Variants in PTPRD observed in about 807,000 individuals in gnomAD.
PTPRD encodes receptor-type tyrosine-protein phosphatase delta.
In PTPRD, 34 loss-of-function variants were observed where a neutral mutation model predicts 214.5. That is an observed-to-expected ratio of 0.16 (90% confidence interval 0.12 to 0.21). PTPRD has a LOEUF of 0.21. Among genes scored for constraint, PTPRD ranks in the 10% least tolerant of loss-of-function variants. The probability of loss-of-function intolerance (pLI) is 1.00; values close to 1 mark genes in which losing one functional copy is unlikely to be tolerated. For synonymous variants in PTPRD, 1,128 were observed against 845.7 expected (o/e 1.33, Z -5.79); for missense variants, 2,545 against 2,398.7 (o/e 1.06, Z -1.27).
At chr9:9,382,694 A>C (rs969016971) in intron 9 of PTPRD, among the ~76,000 whole-genome samples, 3 of 152,108 alleles carry the variant, frequency 2.0e-5, no homozygotes, top group African/African-American at 7.2e-5. Context: ...ACTCTTGCAC[A>C]TTGTAGGTGG....
intron 39 of PTPRD, among the ~76,000 whole-genome samples, chr9:8,352,838 C>T (rs900872091): frequency 6.6e-6 from 1 of 152,152 alleles, no homozygotes; most frequent in South Asian, 2.1e-4. Context: ...ATTGCCCAGG[C>T]ATGGTGGCTC....
intron 8 of PTPRD, among the ~76,000 whole-genome samples, chr9:9,439,556 A>T (rs1405020022): frequency 6.6e-6 from 1 of 152,210 alleles, no homozygotes; most frequent in Non-Finnish European, 1.5e-5. Flanking sequence ...GAGTAAACAC[A>T]ATAGGAAACT....
intron 10 of PTPRD, among the ~76,000 whole-genome samples, chr9:9,138,560 T>C (rs1389547586): frequency 1.6e-5 from 2 of 128,560 alleles, no homozygotes; most frequent in East Asian, 2.1e-4. Flanking sequence ...TTTTAATAAA[T>C]GCCTTAACTT....
intron 12 of PTPRD, among the ~76,000 whole-genome samples, chr9:8,710,574 C>T (rs1482540790): frequency 2.6e-5 from 4 of 152,058 alleles, no homozygotes; most frequent in African/African-American, 2.4e-5. Flanking sequence ...AGTGATTGTG[C>T]CACTGCACTC....
intron 2 of PTPRD, among the ~76,000 whole-genome samples, chr9:10,467,858 T>C (rs773427899): frequency 6.6e-6 from 1 of 152,074 alleles, no homozygotes; most frequent in Non-Finnish European, 1.5e-5. Context: ...AAGATACTTC[T>C]CAAAGGAGGC....
chr9:10,345,016 T>G (rs982483887), intron 2 of PTPRD, among the ~76,000 whole-genome samples: 1 of 152,154 alleles, frequency 6.6e-6, no homozygotes, highest in Non-Finnish European at 1.5e-5. Flanking sequence ...TTCTGAGCAT[T>G]AAATCCTTTC....
intron 3 of PTPRD, among the ~76,000 whole-genome samples, chr9:10,141,251 G>C (rs1252554141): frequency 6.6e-6 from 1 of 151,968 alleles, no homozygotes; most frequent in Non-Finnish European, 1.5e-5. Context: ...TTTTGGCCAG[G>C]GCAATTAGGC....
chr9:10,455,234 T>C (rs1295080397), intron 2 of PTPRD, among the ~76,000 whole-genome samples: 1 of 151,752 alleles, frequency 6.6e-6, no homozygotes, highest in Admixed American at 6.6e-5. Flanking sequence ...ATTGTTTTTT[T>C]CTTTCATTAC....
chr9:10,599,188 T>C (rs927953307), intron 2 of PTPRD, among the ~76,000 whole-genome samples: 3 of 151,688 alleles, frequency 2.0e-5, no homozygotes, highest in South Asian at 4.1e-4. Context: ...GATCGAGCAA[T>C]GTGATGGCAG....
rs1563839334 is a variant in PTPRD at position 8,316,910 on chromosome 9, G to T, written c.*964C>A. The T allele has an allele frequency of 4.3e-6, 1 of 230,104 alleles. No homozygotes were observed. The highest frequency in any genetic ancestry group is 8.6e-6 in the Non-Finnish European group (1 of 115,938). The allele number at this position is 230,104 out of a possible 1,614,324, so 14.3% of individuals were successfully genotyped here. A position where few individuals can be genotyped will look rare whatever the true frequency, so the allele number is the denominator to read the frequency against. On this transcript the variant is annotated 3_prime_UTR_variant, in exon 46 of 46. Coordinates refer to ENST00000381196, the MANE Select transcript of PTPRD (RefSeq NM_002839.4). ...TGGAAGAACTGACTGACTGATAACT[G>T]TATCTATTTTTTGTGTGGACACACT... is the stretch of plus-strand genomic sequence containing the variant.
At chr9:10,189,010 T>C (rs187053406) in intron 3 of PTPRD, among the ~76,000 whole-genome samples, 2 of 152,248 alleles carry the variant, frequency 1.3e-5, no homozygotes, top group East Asian at 3.9e-4. Flanking sequence ...CCAGTTTCCA[T>C]TACTTTTTTT....
chr9:8,911,357 T>C (rs2154261107), intron 11 of PTPRD, among the ~76,000 whole-genome samples: 1 of 151,890 alleles, frequency 6.6e-6, no homozygotes, highest in Middle Eastern at 3.4e-3. Context: ...GATGGTCCTT[T>C]CAATAAATGG....
intron 2 of PTPRD, among the ~76,000 whole-genome samples, chr9:10,442,934 T>C (rs766028722): frequency 6.6e-5 from 10 of 151,534 alleles, no homozygotes; most frequent in African/African-American, 2.4e-4. Flanking sequence ...TTGATTGTTG[T>C]ATGTGTAGAA....
rs147573065 is a variant in PTPRD, at chr9:9,193,426, T to C, written c.-202-10063A>G. ...ATGTGTAAGTACACTCATGTATCAC[T>C]TGATGATAGGAATACATTCTGAGAA... is the stretch of plus-strand genomic sequence containing the variant. On this transcript the variant is annotated intron_variant, in intron 9 of 45. Coordinates refer to ENST00000381196, the MANE Select transcript of PTPRD (RefSeq NM_002839.4). Among the ~76,000 whole-genome samples, 229 of 152,280 alleles carry C rather than the reference T, an allele frequency of 1.5e-3. 2 individuals are homozygous for C. The highest frequency in any genetic ancestry group is 5.0e-3 in the African/African-American group (209 of 41,584).
rs996390935 is a variant in PTPRD at position 9,936,563 on chromosome 9, A to T, written c.-368+1944T>A. Reference sequence around the variant, plus strand: ...CCAGTTAGAATGGCGATCATTAAAAAGTCAGTAAACAACAGGTGCTGGAGA... The same window carrying T: ...CCAGTTAGAATGGCGATCATTAAAATGTCAGTAAACAACAGGTGCTGGAGA... On this transcript the variant is annotated intron_variant, in intron 5 of 45. Transcript: ENST00000381196. Among the ~76,000 whole-genome samples the T allele has an allele frequency of 4.7e-4, 66 of 139,158 alleles. 1 individual carries two copies. The highest frequency in any genetic ancestry group is 3.9e-4 in the Non-Finnish European group (26 of 66,598). The allele number at this position is 139,158 out of a possible 152,430, so 91.3% of individuals were successfully genotyped here.
chr9:8,928,921 G>T (rs75306031), intron 11 of PTPRD, among the ~76,000 whole-genome samples: 1 of 152,104 alleles, frequency 6.6e-6, no homozygotes, highest in Non-Finnish European at 1.5e-5. Context: ...CTCGTAAGTT[G>T]TATTCCTAGG....
chr9:8,402,585 T>G (rs531164144), intron 36 of PTPRD, among the ~76,000 whole-genome samples: 35 of 152,286 alleles, frequency 2.3e-4, no homozygotes, highest in African/African-American at 8.4e-4. Flanking sequence ...ATTTCAATAA[T>G]TTACCTTGCT....
In PTPRD at chr9:8,633,440, C is replaced by G. The variant is rs2154320867; in HGVS notation, c.229G>C (p.Gly77Arg). The change falls in exon 14 of 46, where the codon GGG becomes CGG. Residue 77 changes from glycine to arginine, a missense_variant. Physicochemically the swap from Gly to Arg is moderately radical, Grantham distance 125. Coordinates refer to ENST00000381196, the MANE Select transcript of PTPRD (RefSeq NM_002839.4). ...TGTATTCTGAGAACTGATCCAGACC[C>G]ATCGTCAAACTCTATTACCTATTAG... Reference protein sequence around the residue: ...QRFEVIEFDDGSGSVLRIQPL... With the variant: ...QRFEVIEFDDRSGSVLRIQPL... 1 of 1,612,198 alleles carries G rather than the reference C, an allele frequency of 6.2e-7. No individual in the cohort carries two copies.
intron 10 of PTPRD, among the ~76,000 whole-genome samples, chr9:9,097,164 G>A (rs2099784684): frequency 6.6e-6 from 1 of 152,074 alleles, no homozygotes. Context: ...GGCATAAGAG[G>A]CATACTCTTC....
Sources: allele counts gnomAD v4.1 joint callset (sites outside exome capture counted in the v4.1 genomes callset), GRCh38; gene constraint gnomAD v4.1.1; transcripts MANE v1.5; gene names NCBI Gene and HGNC (gene_info 2026-07-23, HGNC 2026-07-21).